Variants in MIPOL1 observed in about 807,000 individuals in gnomAD.
The protein encoded by MIPOL1 is mirror-image polydactyly gene 1 protein.
A neutral mutation model predicts 60.9 loss-of-function variants in MIPOL1; 57 were observed. The ratio of observed to expected loss-of-function variants is 0.94; its 90% CI spans 0.76 to 1.17. The LOEUF (loss-of-function observed/expected upper bound fraction) is 1.17. Ranked by LOEUF, MIPOL1 falls within the 50% of genes most tolerant of loss-of-function variation. MIPOL1 has a pLI of 0.00. For missense variants in MIPOL1, 551 were observed against 511.6 expected (o/e 1.08, Z -0.74); for synonymous variants, 179 against 168.8 (o/e 1.06, Z -0.47).
At chr14:37,341,827 A>C (rs946831007) in intron 9 of MIPOL1, among the ~76,000 whole-genome samples, 7 of 152,250 alleles carry the variant, frequency 4.6e-5, no homozygotes, top group African/African-American at 1.7e-4. Context: ...ACATGTATAC[A>C]TACAGTAAAA....
chr14:37,351,774 A>T (rs1243364710), intron 9 of MIPOL1, among the ~76,000 whole-genome samples: 1 of 114,348 alleles, frequency 8.7e-6, no homozygotes, highest in African/African-American at 3.3e-5. Flanking sequence ...TTTTCTTGTA[A>T]ATTTGTTTGA....
rs1049448195 is a variant in MIPOL1 at position 37,547,252 on chromosome 14, T to C, written c.*281T>C. On this transcript the variant is annotated 3_prime_UTR_variant, in exon 13 of 13. Transcript: ENST00000684589. ...CTATTTTATATCTCAATATCTTTAA[T>C]ATAAATCTTTTTACTGAGAGATCAT... 6.2e-6 allele frequency: 2 copies of C among 322,730 alleles called. No homozygotes were observed. The highest frequency in any genetic ancestry group is 5.4e-5 in the East Asian group (1 of 18,438). 20.0% of individuals were successfully genotyped at this position (322,730 alleles called of 1,614,324 possible). A position where few individuals can be genotyped will look rare whatever the true frequency, so the allele number is the denominator to read the frequency against.
Position 37,423,285 on chromosome 14 carries a change from C to G in MIPOL1, c.1031+336C>G, listed in dbSNP as rs2093907622. 2.0e-5 allele frequency among the ~76,000 whole-genome samples: 3 copies of G among 149,592 alleles called. No homozygotes were observed. In the Admixed American group the frequency reaches 2.0e-4, roughly 10 times the overall value. On this transcript the variant is annotated intron_variant, in intron 11 of 12. Transcript: ENST00000684589. ...ATCGTAAATATAAATATAAAATATA[C>G]ATACATTTATACTTATACATATAAA... is the stretch of plus-strand genomic sequence containing the variant.
At chr14:37,396,533 G>A (rs2093375325) in intron 10 of MIPOL1, among the ~76,000 whole-genome samples, 1 of 151,900 alleles carries the variant, frequency 6.6e-6, no homozygotes. Flanking sequence ...TAGCAATGCT[G>A]AGGAAGTTTT....
intron 1 of MIPOL1, among the ~76,000 whole-genome samples, chr14:37,208,298 A>G (rs894721459): frequency 1.4e-4 from 22 of 152,266 alleles, no homozygotes; most frequent in African/African-American, 4.8e-4. Context: ...GGAATCCTTA[A>G]TGCTGTATAT....
intron 11 of MIPOL1, among the ~76,000 whole-genome samples, chr14:37,457,853 A>G (rs554344517): frequency 3.2e-4 from 48 of 152,276 alleles, no homozygotes; most frequent in African/African-American, 1.1e-3. Context: ...ATTTGGGTTC[A>G]CAAGTTACCT....
intron 1 of MIPOL1, among the ~76,000 whole-genome samples, chr14:37,201,676 C>A (rs539202416): frequency 1.3e-5 from 2 of 152,094 alleles, no homozygotes; most frequent in Non-Finnish European, 2.9e-5. Context: ...AGGATGGAGG[C>A]CCTTTCTTCC....
rs192148228 is a variant in MIPOL1, at chr14:37,353,947, A to G, written c.829-15570A>G. ...TTTTAGTTATTTCTTGCCTTCTGCTAGCTTTTGAATGTGTTTGCTCTTGCT... is the reference window on the plus strand; with the variant it reads ...TTTTAGTTATTTCTTGCCTTCTGCTGGCTTTTGAATGTGTTTGCTCTTGCT... On this transcript the variant is annotated intron_variant, in intron 9 of 12. Transcript: ENST00000684589. Among the ~76,000 whole-genome samples, 197 of 151,938 alleles carry G rather than the reference A, an allele frequency of 1.3e-3. 1 individual carries two copies. Among genetic ancestry groups the G allele is most frequent in the Middle Eastern group, 6.8e-3 (2 of 294 alleles).
intron 6 of MIPOL1, among the ~76,000 whole-genome samples, chr14:37,284,027 T>C (rs556816122): frequency 5.3e-5 from 8 of 151,992 alleles, no homozygotes; most frequent in African/African-American, 1.9e-4. Flanking sequence ...CACATTGCAG[T>C]AATGTTTTAA....
At chr14:37,261,269 C>T (rs1486465301) in intron 3 of MIPOL1, among the ~76,000 whole-genome samples, 1 of 149,196 alleles carries the variant, frequency 6.7e-6, no homozygotes, top group Non-Finnish European at 1.5e-5. Context: ...ATTATTTGGG[C>T]CAAAAGAAAA....
intron 12 of MIPOL1, among the ~76,000 whole-genome samples, chr14:37,530,156 C>T (rs763226281): frequency 6.6e-6 from 1 of 151,940 alleles, no homozygotes; most frequent in Admixed American, 6.6e-5. Flanking sequence ...GAAACATTAT[C>T]GACAAAATGT....
intron 7 of MIPOL1, among the ~76,000 whole-genome samples, chr14:37,305,049 T>G (rs1205157228): frequency 6.6e-6 from 1 of 151,794 alleles, no homozygotes; most frequent in Non-Finnish European, 1.5e-5. Flanking sequence ...CTAGTAAACC[T>G]TAGTACCTTC....
intron 9 of MIPOL1, among the ~76,000 whole-genome samples, chr14:37,357,931 C>T (rs541638914): frequency 6.6e-6 from 1 of 152,076 alleles, no homozygotes; most frequent in African/African-American, 2.4e-5. Flanking sequence ...TGATGGTTTG[C>T]TGCACCCATC....
chr14:37,311,738 A>G (rs1028072884), intron 9 of MIPOL1, among the ~76,000 whole-genome samples: 1 of 152,214 alleles, frequency 6.6e-6, no homozygotes, highest in African/African-American at 2.4e-5. Context: ...GGTTTTCTCT[A>G]ATTTTGTTAT....
At chr14:37,431,306 C>T (rs985270488) in intron 11 of MIPOL1, among the ~76,000 whole-genome samples, 4 of 152,026 alleles carry the variant, frequency 2.6e-5, no homozygotes, top group African/African-American at 7.2e-5. Flanking sequence ...CGAGCTTTTG[C>T]TAGATTTTTC....
intron 11 of MIPOL1, among the ~76,000 whole-genome samples, chr14:37,464,768 G>A (rs1167936288): frequency 6.6e-6 from 1 of 152,172 alleles, no homozygotes; most frequent in African/African-American, 2.4e-5. Flanking sequence ...AAGCTGGCTG[G>A]TAAAGGTTAG....
At chr14:37,392,904 T>A (rs1318768136) in intron 10 of MIPOL1, among the ~76,000 whole-genome samples, 1 of 152,162 alleles carries the variant, frequency 6.6e-6, no homozygotes, top group African/African-American at 2.4e-5. Flanking sequence ...AAAGATATGT[T>A]CAAATCCTAA....
intron 11 of MIPOL1, among the ~76,000 whole-genome samples, chr14:37,485,416 C>A (rs546972564): frequency 6.6e-6 from 1 of 152,288 alleles, no homozygotes; most frequent in African/African-American, 2.4e-5. Flanking sequence ...ACACTGTCTT[C>A]CACAATGGCT....
chr14:37,240,193 T>G (rs1481158061), intron 1 of MIPOL1, among the ~76,000 whole-genome samples: 1 of 152,212 alleles, frequency 6.6e-6, no homozygotes. Context: ...AGGTCTTCTT[T>G]GTTAGTATTT....
Sources: allele counts gnomAD v4.1 joint callset (sites outside exome capture counted in the v4.1 genomes callset), GRCh38; gene constraint gnomAD v4.1.1; transcripts MANE v1.5; gene names NCBI Gene and HGNC (gene_info 2026-07-23, HGNC 2026-07-21).